CLDN10: variants seen among roughly 807,000 people sequenced by gnomAD.
The protein encoded by CLDN10 is claudin-10.
In CLDN10, 15 loss-of-function variants were observed where a neutral mutation model predicts 22.9. The observed-to-expected ratio is 0.65, with a 90% CI of 0.44 to 1.01. The LOEUF (loss-of-function observed/expected upper bound fraction) is 1.01. CLDN10 is among the 50% of genes least tolerant of loss of function. The probability of loss-of-function intolerance (pLI) is 0.00; values close to 1 mark genes in which losing one functional copy is unlikely to be tolerated. For missense variants in CLDN10, 247 were observed against 287.8 expected (o/e 0.86, Z 1.03); for synonymous variants, 114 against 111.4 (o/e 1.02, Z -0.15).
chr13:95,445,908 T>C, intron 1 of CLDN10, among the ~76,000 whole-genome samples: 1 of 152,228 alleles, frequency 6.6e-6, no homozygotes, highest in Non-Finnish European at 1.5e-5. Context: ...TGCATAGTTC[T>C]AGTCTTGCAC....
chr13:95,499,415 G>A (rs1195640879), intron 1 of CLDN10, among the ~76,000 whole-genome samples: 1 of 152,240 alleles, frequency 6.6e-6, no homozygotes, highest in African/African-American at 2.4e-5. Context: ...GGTGGCAAGC[G>A]CTTGTAATCG....
intron 1 of CLDN10, among the ~76,000 whole-genome samples, chr13:95,505,814 G>A (rs746541711): frequency 2.9e-5 from 4 of 140,104 alleles, no homozygotes; most frequent in South Asian, 4.5e-4. Flanking sequence ...GAGTGCAATG[G>A]TGCAATCTCG....
intron 1 of CLDN10, among the ~76,000 whole-genome samples, chr13:95,483,749 C>A (rs1032628623): frequency 6.6e-6 from 1 of 152,202 alleles, no homozygotes; most frequent in African/African-American, 2.4e-5. Context: ...CTGGCCAAGC[C>A]CTTATGCTCC....
chr13:95,506,435 G>C (rs977640505), intron 1 of CLDN10, among the ~76,000 whole-genome samples: 3 of 152,150 alleles, frequency 2.0e-5, no homozygotes, highest in African/African-American at 4.8e-5. Flanking sequence ...AAAAGGAAAG[G>C]TATCTCCATG....
chr13:95,569,959 G>A (rs957301518), intron 3 of CLDN10, among the ~76,000 whole-genome samples: 23 of 152,216 alleles, frequency 1.5e-4, no homozygotes, highest in African/African-American at 5.1e-4. Flanking sequence ...TAGTAGAGAC[G>A]GGGTTTCACC....
chr13:95,452,970 A>T (rs1026327938), intron 1 of CLDN10, among the ~76,000 whole-genome samples: 4 of 152,144 alleles, frequency 2.6e-5, no homozygotes, highest in Non-Finnish European at 4.4e-5. Context: ...TGTTTCTTAA[A>T]ATACTTGTAA....
rs144818972 is a variant in CLDN10 at position 95,484,688 on chromosome 13, CA to C, written c.214+50659del. On this transcript the variant is annotated intron_variant, in intron 1 of 4. Transcript: ENST00000376873. ...CGAAACCCCGTCTCTACTAAAAATA[CA>C]AAAAAAAAAAAAAAAAACCCACAAA... 9.4e-3 allele frequency among the ~76,000 whole-genome samples: 1,169 copies of C among 124,434 alleles called. 7 individuals carry two copies. Among genetic ancestry groups the C allele is most frequent in the African/African-American group, 0.025 (883 of 35,892 alleles). 81.6% of individuals were successfully genotyped at this position (124,434 alleles called of 152,430 possible).
intron 1 of CLDN10, among the ~76,000 whole-genome samples, chr13:95,478,886 A>C (rs2042711446): frequency 6.6e-6 from 1 of 152,164 alleles, no homozygotes; most frequent in South Asian, 2.1e-4. Context: ...AGCCTCAGGG[A>C]GTTATAGGTC....
At chr13:95,475,210 C>G (rs373200884) in intron 1 of CLDN10, among the ~76,000 whole-genome samples, 6 of 152,192 alleles carry the variant, frequency 3.9e-5, no homozygotes, top group African/African-American at 1.4e-4. Context: ...CCCACCCCTG[C>G]CCCCTGCTGC....
intron 1 of CLDN10, among the ~76,000 whole-genome samples, chr13:95,511,437 G>C (rs1342120962): frequency 2.0e-5 from 3 of 151,902 alleles, no homozygotes; most frequent in African/African-American, 7.2e-5. Flanking sequence ...TTTATTAACA[G>C]AACAAGTGTT....
At chr13:95,520,048 A>ATG (rs2043209124) in intron 1 of CLDN10, among the ~76,000 whole-genome samples, 1 of 152,192 alleles carries the variant, frequency 6.6e-6, no homozygotes, top group Non-Finnish European at 1.5e-5. Flanking sequence ...GTACGCGTGC[A>ATG]TGTGTGTGTG....
chr13:95,571,962 ACC>A (rs1010941230), intron 3 of CLDN10, among the ~76,000 whole-genome samples: 2 of 152,160 alleles, frequency 1.3e-5, no homozygotes, highest in Admixed American at 1.3e-4. Context: ...ATGACAAAAG[ACC>A]TGGCTCCTAG....
At chr13:95,463,588 C>A (rs2042558173) in intron 1 of CLDN10, among the ~76,000 whole-genome samples, 1 of 151,798 alleles carries the variant, frequency 6.6e-6, no homozygotes, top group Admixed American at 6.6e-5. Context: ...CCACTTCAGG[C>A]TCCCAAAGTG....
chr13:95,513,982 G>A (rs1294516705), intron 1 of CLDN10, among the ~76,000 whole-genome samples: 4 of 152,290 alleles, frequency 2.6e-5, no homozygotes, highest in Non-Finnish European at 5.9e-5. Context: ...CTATTACCAG[G>A]CATGGTGGCT....
chr13:95,477,116 G>A (rs2042692226), intron 1 of CLDN10, among the ~76,000 whole-genome samples: 1 of 151,828 alleles, frequency 6.6e-6, no homozygotes. Flanking sequence ...TCTCACTGAA[G>A]AGAGAGTTTC....
Position 95,463,961 on chromosome 13 carries a change from G to T in CLDN10, c.214+29914G>T, listed in dbSNP as rs948344263. ...ATCAAACTTTTCTTTCATTTTCAAG[G>T]TTATTGGAGCAAGTTTATTCATTAC... On this transcript the variant is annotated intron_variant, in intron 1 of 4. Coordinates refer to the CLDN10 transcript ENST00000376873. Among the ~76,000 whole-genome samples the T allele has an allele frequency of 4.6e-5, 7 of 152,104 alleles. No individual in the cohort carries two copies. In the East Asian group the frequency reaches 1.4e-3, roughly 29 times the overall value.
chr13:95,493,452 A>T (rs2042896995), intron 1 of CLDN10, among the ~76,000 whole-genome samples: 1 of 151,814 alleles, frequency 6.6e-6, no homozygotes, highest in Non-Finnish European at 1.5e-5. Flanking sequence ...GACCCATTAG[A>T]TGGTAACTCC....
intron 3 of CLDN10, among the ~76,000 whole-genome samples, chr13:95,561,764 C>CTTTTT (rs201890987): frequency 7.4e-6 from 1 of 135,316 alleles, no homozygotes; most frequent in Non-Finnish European, 1.6e-5. Context: ...TTCTTTCGTC[C>CTTTTT]TTTTTTTTTT....
intron 1 of CLDN10, among the ~76,000 whole-genome samples, chr13:95,483,549 C>A (rs1288472994): frequency 6.6e-5 from 10 of 152,148 alleles, no homozygotes. Context: ...CCCCAGAAAC[C>A]AGACTCTAAA....
Sources: gnomAD v4.1 joint callset for allele counts (sites outside exome capture counted in the v4.1 genomes callset) on GRCh38, gnomAD v4.1.1 for gene constraint, MANE v1.5 for transcripts, NCBI Gene and HGNC (gene_info 2026-07-23, HGNC 2026-07-21) for gene names.